The following KRCC1 variants were observed in gnomAD, a reference collection of about 807,000 sequenced individuals.
KRCC1 encodes the protein lysine-rich coiled-coil protein 1.
Under a neutral mutation model 7.4 loss-of-function variants are expected in KRCC1, and 3 were observed. That is an observed-to-expected ratio of 0.40 (90% confidence interval 0.18 to 1.04). The LOEUF (loss-of-function observed/expected upper bound fraction) is 1.04, where lower values mean the gene tolerates loss of function less well. KRCC1 is among the 50% of genes least tolerant of loss of function. The pLI, the probability that KRCC1 is intolerant of heterozygous loss-of-function variation, is 0.33. For missense variants in KRCC1, 277 were observed against 300.9 expected, an observed-to-expected ratio of 0.92 and a Z score of 0.59; for synonymous variants, 102 against 101.6, an observed-to-expected ratio of 1.00 and a Z score of -0.02.
At position 88,028,349 on chromosome 2, in the gene KRCC1, G is replaced by C. The variant is rs1204033190; in HGVS notation, c.215C>G (p.Pro72Arg). The change falls in exon 4 of 4, where the codon CCA becomes CGA. Residue 72 changes from proline (P) to arginine (R), a missense_variant. Transcript: ENST00000347055. ...TGTTTGTGGAATATTGCATGATCTT[G>C]GGTAGGTCTGGATGGTTTCAGATGG... ...RLPSETIQTY[P>R]RSCNIPQTVE... 1.2e-6 allele frequency: 2 copies of C among 1,614,122 alleles called. No individual in the cohort carries two copies. Among genetic ancestry groups the C allele is most frequent in the South Asian group, 2.2e-5 (2 of 91,084 alleles).
rs1289713602 is a variant in KRCC1 at position 88,027,256 on chromosome 2, G to A, written c.*528C>T. 6.6e-6 allele frequency: 1 copy of A among 152,198 alleles called. No homozygotes were observed. The highest frequency in any genetic ancestry group is 1.9e-4 in the East Asian group (1 of 5,194). 9.4% of individuals were successfully genotyped at this position (152,198 alleles called of 1,614,324 possible). A position where few individuals can be genotyped will look rare whatever the true frequency, so the allele number is the denominator to read the frequency against. ...TATTTTCAGAATATAAACTGATTTTGTATCAAGACTCTTTGAAACTTTAGA... is the reference window on the plus strand; with the variant it reads ...TATTTTCAGAATATAAACTGATTTTATATCAAGACTCTTTGAAACTTTAGA... On this transcript the variant is annotated 3_prime_UTR_variant, in exon 4 of 4. Coordinates refer to ENST00000347055, the MANE Select transcript of KRCC1 (RefSeq NM_016618.3).
At chr2:88,049,683 C>G (rs1284161850) in intron 1 of KRCC1, among the ~76,000 whole-genome samples, 1 of 152,112 alleles carries the variant, frequency 6.6e-6, no homozygotes, top group African/African-American at 2.4e-5. Flanking sequence ...AAACTGAGAT[C>G]AACACTTCTG....
intron 1 of KRCC1, among the ~76,000 whole-genome samples, chr2:88,046,299 A>C (rs1221594639): frequency 2.6e-5 from 4 of 152,222 alleles, no homozygotes; most frequent in African/African-American, 7.2e-5. Context: ...TCTCCGCCTT[A>C]GGTTCCTTAC....
chr2:88,032,008 T>A (rs890816470), intron 3 of KRCC1, among the ~76,000 whole-genome samples: 5 of 151,400 alleles, frequency 3.3e-5, no homozygotes, highest in African/African-American at 9.7e-5. Flanking sequence ...CTGGGTGTGG[T>A]GTGGGCACCT....
Position 88,028,131 on chromosome 2 carries a change from T to C in KRCC1, c.433A>G (p.Ser145Gly). Residue 145 changes from serine (S) to glycine (G), a missense_variant, in exon 4 of 4, where the codon AGT becomes GGT. Physicochemically the swap from Ser to Gly is moderately conservative, Grantham distance 56. Coordinates refer to ENST00000347055, the MANE Select transcript of KRCC1 (RefSeq NM_016618.3). ...TGACTGGCTTGATGAGTACTGGTAC[T>C]GTTATCTGAGGAGAAGTGCTTGTAA... ...RVYKHFSSDN[S>G]TSTHQASHKQ... 6.2e-7 allele frequency: 1 copy of C among 1,614,166 alleles called. No individual in the cohort carries two copies. Among genetic ancestry groups the C allele is most frequent in the South Asian group, 1.1e-5 (1 of 91,084 alleles).
intron 1 of KRCC1, among the ~76,000 whole-genome samples, chr2:88,049,384 C>T (rs377111544): frequency 2.0e-5 from 3 of 152,072 alleles, no homozygotes; most frequent in South Asian, 2.1e-4. Flanking sequence ...AAGGGGGAAG[C>T]GTATCAATGC....
chr2:88,054,366 TA>T (rs943965968), intron 1 of KRCC1, among the ~76,000 whole-genome samples: 1 of 152,190 alleles, frequency 6.6e-6, no homozygotes, highest in African/African-American at 2.4e-5. Flanking sequence ...ACTTCCCTTT[TA>T]AAAGGCATTT....
At chr2:88,033,249 C>T (rs1209793603) in intron 3 of KRCC1, among the ~76,000 whole-genome samples, 2 of 152,090 alleles carry the variant, frequency 1.3e-5, no homozygotes, top group African/African-American at 2.4e-5. Context: ...AATGGCTGGG[C>T]GCGGTGGCTC....
intron 1 of KRCC1, among the ~76,000 whole-genome samples, chr2:88,044,863 A>AT (rs11302450): frequency 0.2 from 21,389 of 105,800 alleles, 1,919 homozygotes; most frequent in Non-Finnish European, 0.26. Context: ...GAGTTTGATA[A>AT]TTTTTTTTTT....
intron 3 of KRCC1, 57 bp from the exon 4 acceptor site, chr2:88,028,642 C>CAAT: frequency 1.5e-5 from 10 of 682,148 alleles, no homozygotes; most frequent in Non-Finnish European, 2.2e-5. Flanking sequence ...ATTTCCTTTG[C>CAAT]TCTTTTTTTT....
chr2:88,033,126 A>T (rs1439309910), intron 3 of KRCC1, among the ~76,000 whole-genome samples: 1 of 152,120 alleles, frequency 6.6e-6, no homozygotes, highest in Non-Finnish European at 1.5e-5. Flanking sequence ...GATTGTGGTG[A>T]TCCTTTCATG....
intron 1 of KRCC1, among the ~76,000 whole-genome samples, chr2:88,051,277 AGAG>A (rs1673478235): frequency 6.6e-6 from 1 of 152,214 alleles, no homozygotes; most frequent in Admixed American, 6.5e-5. Context: ...AGACCAATAC[AGAG>A]GAGTTCCTCA....
chr2:88,035,120 T>C (rs940947667), intron 2 of KRCC1, among the ~76,000 whole-genome samples: 2 of 152,212 alleles, frequency 1.3e-5, no homozygotes, highest in Admixed American at 1.3e-4. Flanking sequence ...ACGAATAGAA[T>C]TTCGCTTGCT....
chr2:88,037,895 G>A (rs11684204), intron 1 of KRCC1, among the ~76,000 whole-genome samples: 134,472 of 152,258 alleles, frequency 0.88, 59,765 homozygotes, highest in South Asian at 0.94. Context: ...AAATTACTAC[G>A]TTTACACTTG....
intron 1 of KRCC1, among the ~76,000 whole-genome samples, chr2:88,049,673 A>T (rs1406589503): frequency 6.7e-6 from 1 of 149,132 alleles, no homozygotes; most frequent in African/African-American, 2.5e-5. Context: ...AAACAAACAA[A>T]AACTGAGATC....
intron 1 of KRCC1, among the ~76,000 whole-genome samples, chr2:88,046,838 T>C (rs1558836084): frequency 6.6e-6 from 1 of 152,116 alleles, no homozygotes; most frequent in African/African-American, 2.4e-5. Flanking sequence ...GCCCAGCTTA[T>C]TTTTTATATT....
At chr2:88,041,396 A>G (rs1193822447) in intron 1 of KRCC1, among the ~76,000 whole-genome samples, 1 of 152,238 alleles carries the variant, frequency 6.6e-6, no homozygotes, top group East Asian at 1.9e-4. Context: ...TAAGCATTCA[A>G]AAAGCAGTGA....
At chr2:88,055,009 CACT>C (rs1435282149) in intron 1 of KRCC1, among the ~76,000 whole-genome samples, 1 of 152,090 alleles carries the variant, frequency 6.6e-6, no homozygotes, top group Non-Finnish European at 1.5e-5. Context: ...AACCCCAGAT[CACT>C]ATCAAGACGG....
chr2:88,045,370 AC>A (rs1487243124), intron 1 of KRCC1, among the ~76,000 whole-genome samples: 1 of 152,174 alleles, frequency 6.6e-6, no homozygotes, highest in Non-Finnish European at 1.5e-5. Flanking sequence ...TGTGATATAT[AC>A]CCATACAATT....
Sources: gnomAD v4.1 joint callset for allele counts (sites outside exome capture counted in the v4.1 genomes callset) on GRCh38, gnomAD v4.1.1 for gene constraint, MANE v1.5 for transcripts, NCBI Gene and HGNC (gene_info 2026-07-23, HGNC 2026-07-21) for gene names.